The following ISLR2 variants were observed in gnomAD, a reference collection of about 807,000 sequenced individuals.
ISLR2 encodes the protein immunoglobulin superfamily containing leucine rich repeat 2.
A neutral mutation model predicts 25.5 loss-of-function variants in ISLR2; 16 were observed. The ratio of observed to expected loss-of-function variants is 0.63; its 90% CI spans 0.43 to 0.95. ISLR2 has a LOEUF of 0.95. Ranked by LOEUF, ISLR2 falls within the 40% of genes least tolerant of loss-of-function variation. The probability of loss-of-function intolerance (pLI) is 0.00; values close to 1 mark genes in which losing one functional copy is unlikely to be tolerated. For synonymous variants in ISLR2, 508 were observed against 486.6 expected, an observed-to-expected ratio of 1.04 and a Z score of -0.58; for missense variants, 883 against 1,030.7, an observed-to-expected ratio of 0.86 and a Z score of 1.96.
Position 74,134,847 on chromosome 15 carries a change from C to T in ISLR2, c.2093C>T (p.Ala698Val). ...GDLQREESLA[A>V]CSLVESQSKA... ...CTGCAGAGAGAGGAGAGCCTGGCGG[C>T]CTGCTCACTGGTGGAGTCCCAGTCC... The change falls in exon 3 of 3, where the codon GCC becomes GTC. Residue 698 changes from alanine to valine, a missense_variant. Physicochemically the swap from Ala to Val is moderately conservative, Grantham distance 64. Transcript: ENST00000453268. 6.2e-7 allele frequency: 1 copy of T among 1,614,186 alleles called. No homozygotes were observed. Among genetic ancestry groups the T allele is most frequent in the South Asian group, 1.1e-5 (1 of 91,088 alleles).
In ISLR2 at chr15:74,132,923, A is replaced by G; in HGVS notation, c.169A>G (p.Ser57Gly). 6.2e-7 allele frequency: 1 copy of G among 1,614,084 alleles called. No individual in the cohort carries two copies. Among genetic ancestry groups the G allele is most frequent in the East Asian group, 2.2e-5 (1 of 44,882 alleles). ...ACTGCCTGCCAACGTGACGACGCTT[A>G]GTCTGTCCGCGAACAAGATCACTGT... ...EGLPANVTTLSLSANKITVLR... is the reference protein window; with the variant it reads ...EGLPANVTTLGLSANKITVLR... The change falls in exon 3 of 3, where the codon AGT becomes GGT. Residue 57 changes from serine (S) to glycine (G), a missense_variant. This residue lies in a region of ISLR2 where 271 missense variants were observed against 387.9 expected (regional missense o/e 0.70). Coordinates refer to ENST00000453268, the MANE Select transcript of ISLR2 (RefSeq NM_020851.3). The surrounding 1 kb of genome is among the most constrained non-coding windows in gnomAD (Gnocchi z 4.3).
chr15:74,111,377 C>A (rs760374204), intron 2 of ISLR2, among the ~76,000 whole-genome samples: 56 of 152,134 alleles, frequency 3.7e-4, no homozygotes, highest in Non-Finnish European at 7.4e-4. Context: ...GCAGCCTCCA[C>A]CTCCTGGGTT....
chr15:74,123,646 A>G (rs141764123), upstream of ISLR2, among the ~76,000 whole-genome samples: 3 of 152,060 alleles, frequency 2.0e-5, no homozygotes, highest in African/African-American at 7.2e-5. Context: ...CCTGTTTTCC[A>G]CCTCAACAGT....
chr15:74,119,067 A>T (rs1487778428), intron 2 of ISLR2, among the ~76,000 whole-genome samples: 2 of 152,126 alleles, frequency 1.3e-5, no homozygotes, highest in Non-Finnish European at 2.9e-5. Context: ...TAGCATCTCC[A>T]CCACCTCAAG....
In ISLR2 at chr15:74,134,954, C is replaced by T. The variant is rs2072537826; in HGVS notation, c.2200C>T (p.Gln734Ter). 6.2e-7 allele frequency: 1 copy of T among 1,613,824 alleles called. No homozygotes were observed. Residue 734 changes from glutamine to a stop codon, truncating the protein, a stop_gained, in exon 3 of 3, where the codon CAG becomes TAG. Transcript: ENST00000453268. LOFTEE classifies it high-confidence loss of function. ...PLGAEAVNIAQEINGNYRQTA... is the reference protein window; with the variant it reads ...PLGAEAVNIA ...GGGCGCCGAGGCGGTCAACATCGCCCAGGAGATTAATGGCAACTACAGGCA... is the reference window on the plus strand; with the variant it reads ...GGGCGCCGAGGCGGTCAACATCGCCTAGGAGATTAATGGCAACTACAGGCA...
At chr15:74,129,128 G>T (rs1249868814), upstream of ISLR2, 1 of 449,864 alleles carries the variant, frequency 2.2e-6, no homozygotes, top group Non-Finnish European at 4.5e-6. This position sits in a 1 kb window ranked among gnomAD's most constrained non-coding sequence, Gnocchi z 4.5. Flanking sequence ...CGAGCAGGCG[G>T]TGTGAAGTTC....
At chr15:74,125,577 G>A (rs2072288559), upstream of ISLR2, among the ~76,000 whole-genome samples, 1 of 152,178 alleles carries the variant, frequency 6.6e-6, no homozygotes, top group South Asian at 2.1e-4. Context: ...GCCTCTTCCA[G>A]GCAGGAGTTC....
At chr15:74,115,952 C>CT (rs2072207185) in intron 2 of ISLR2, among the ~76,000 whole-genome samples, 1 of 149,430 alleles carries the variant, frequency 6.7e-6, no homozygotes, top group African/African-American at 2.5e-5. Context: ...AATCCCAGCA[C>CT]TTTGGGAGGC....
At chr15:74,103,436 T>C (rs1013496275) in intron 1 of ISLR2, among the ~76,000 whole-genome samples, 12 of 144,628 alleles carry the variant, frequency 8.3e-5, no homozygotes, top group African/African-American at 3.3e-4. Context: ...ACCCCATGTG[T>C]ACTAAAAACA....
At chr15:74,141,240 A>G (rs2072609249), downstream of ISLR2, among the ~76,000 whole-genome samples, 1 of 152,260 alleles carries the variant, frequency 6.6e-6, no homozygotes, top group South Asian at 2.1e-4. Flanking sequence ...TATTTTTATC[A>G]ACTGTTTACT....
At chr15:74,131,696 C>T (rs1015273078) in intron 2 of ISLR2, among the ~76,000 whole-genome samples, 4 of 152,202 alleles carry the variant, frequency 2.6e-5, no homozygotes, top group African/African-American at 9.6e-5. Context: ...CTGAGGACGC[C>T]TCTGCCCAAT....
intron 2 of ISLR2, among the ~76,000 whole-genome samples, chr15:74,110,570 C>A (rs1228921970): frequency 6.6e-6 from 1 of 151,716 alleles, no homozygotes; most frequent in Non-Finnish European, 1.5e-5. Flanking sequence ...GTAATCCCAG[C>A]ACTTTGGGAG....
upstream of ISLR2, among the ~76,000 whole-genome samples, chr15:74,124,496 A>G (rs539552406): frequency 4.6e-5 from 7 of 152,222 alleles, no homozygotes; most frequent in East Asian, 9.7e-4. Flanking sequence ...AGTGGCTTAC[A>G]CCTGTAATTT....
At position 74,133,478 on chromosome 15, in the gene ISLR2, C is replaced by A; in HGVS notation, c.724C>A (p.Pro242Thr). Residue 242 changes from proline to threonine, a missense_variant, in exon 3 of 3, where the codon CCG (proline) becomes ACG (threonine). By Grantham distance (38) the Pro-to-Thr change is conservative. Coordinates refer to ENST00000453268, the MANE Select transcript of ISLR2 (RefSeq NM_020851.3). ...PPSVHLSAEPPLEAPGTPLRA... is the reference protein window; with the variant it reads ...PPSVHLSAEPTLEAPGTPLRA... ...CAGCGTGCATCTGAGTGCCGAGCCACCGCTTGAAGCACCCGGCACCCCACT... is the reference window on the plus strand; with the variant it reads ...CAGCGTGCATCTGAGTGCCGAGCCAACGCTTGAAGCACCCGGCACCCCACT... The A allele has an allele frequency of 1.9e-6, 3 of 1,613,242 alleles. No homozygotes were observed. Among genetic ancestry groups the A allele is most frequent in the South Asian group, 1.1e-5 (1 of 91,068 alleles).
chr15:74,121,723 C>T (rs771859893), intron 2 of ISLR2, among the ~76,000 whole-genome samples: 12 of 152,180 alleles, frequency 7.9e-5, no homozygotes, highest in Non-Finnish European at 1.6e-4. Flanking sequence ...CTGGCTTCCC[C>T]CAGACTTGGC....
At chr15:74,128,340 G>A (rs2072328200), upstream of ISLR2, 1 of 419,554 alleles carries the variant, frequency 2.4e-6, no homozygotes, top group Non-Finnish European at 4.6e-6. Flanking sequence ...GGCAGCCTCC[G>A]GGAACAAAAG....
chr15:74,139,726 A>G (rs2072600760), downstream of ISLR2, among the ~76,000 whole-genome samples: 1 of 152,168 alleles, frequency 6.6e-6, no homozygotes, highest in African/African-American at 2.4e-5. Context: ...CCCTGGCTCC[A>G]AGGCTTTCCA....
At chr15:74,106,349 G>T (rs2072119352) in intron 2 of ISLR2, among the ~76,000 whole-genome samples, 2 of 152,158 alleles carry the variant, frequency 1.3e-5, no homozygotes, top group African/African-American at 4.8e-5. Context: ...TCCAGTCTCT[G>T]TTGGGTTTCA....
chr15:74,139,440 C>T (rs2072599067), downstream of ISLR2, among the ~76,000 whole-genome samples: 1 of 152,114 alleles, frequency 6.6e-6, no homozygotes, highest in South Asian at 2.1e-4. Flanking sequence ...TCCCTCATTC[C>T]TCTCTGTTCT....
Sources: allele counts gnomAD v4.1 joint callset (sites outside exome capture counted in the v4.1 genomes callset), GRCh38; gene constraint gnomAD v4.1.1; regional missense constraint gnomAD v4.1.1; non-coding constraint Gnocchi (gnomAD v3.1); transcripts MANE v1.5; gene names NCBI Gene and HGNC (gene_info 2026-07-23, HGNC 2026-07-21).